Variants in DHTKD1 observed in about 807,000 individuals in gnomAD.
The protein encoded by DHTKD1 is 2-oxoadipate dehydrogenase complex component E1.
A neutral mutation model predicts 101.8 loss-of-function variants in DHTKD1; 78 were observed. The observed-to-expected ratio is 0.77, with a 90% CI of 0.64 to 0.93. The LOEUF (loss-of-function observed/expected upper bound fraction) is 0.93. Ranked by LOEUF, DHTKD1 falls within the 40% of genes least tolerant of loss-of-function variation. The pLI is 0.00. For missense variants in DHTKD1, 1,223 were observed against 1,161.7 expected (o/e 1.05, Z -0.77); for synonymous variants, 462 against 450.3 (o/e 1.03, Z -0.33).
At chr10:12,095,042 C>T (rs1198863062) in intron 7 of DHTKD1, among the ~76,000 whole-genome samples, 1 of 152,176 alleles carries the variant, frequency 6.6e-6, no homozygotes, top group African/African-American at 2.4e-5. Context: ...TTAAGCAAAC[C>T]TCGCCCAAAT....
chr10:12,093,552 G>A (rs1012071320), intron 6 of DHTKD1, among the ~76,000 whole-genome samples: 1 of 152,202 alleles, frequency 6.6e-6, no homozygotes, highest in Admixed American at 6.6e-5. Context: ...TTACAAGGCT[G>A]TTTGATGGTA....
intron 2 of DHTKD1, among the ~76,000 whole-genome samples, chr10:12,083,157 CA>C (rs59049794): frequency 1.2e-3 from 161 of 131,006 alleles, no homozygotes; most frequent in Middle Eastern, 4.0e-3. Context: ...GACTCCGTCT[CA>C]AAAAAAAAAA....
At chr10:12,075,557 TAG>T (rs1437422640) in intron 1 of DHTKD1, among the ~76,000 whole-genome samples, 2 of 119,248 alleles carry the variant, frequency 1.7e-5, no homozygotes, top group Non-Finnish European at 3.5e-5. Flanking sequence ...GTATTTTTTG[TAG>T]AGACAGGGTC....
chr10:12,083,051 A>C (rs1832847090), intron 2 of DHTKD1, among the ~76,000 whole-genome samples: 1 of 151,824 alleles, frequency 6.6e-6, no homozygotes, highest in Non-Finnish European at 1.5e-5. Flanking sequence ...TGAGGCAAAA[A>C]AAAGGAGCAT....
At chr10:12,106,775 G>A (rs1400095072) in intron 11 of DHTKD1, among the ~76,000 whole-genome samples, 2 of 152,112 alleles carry the variant, frequency 1.3e-5, no homozygotes, top group African/African-American at 4.8e-5. Context: ...CATTTTCCAG[G>A]GATGCCCACT....
rs76133682 is a variant in DHTKD1 at position 12,077,477 on chromosome 10, T to G, written c.155-3995T>G. Among the ~76,000 whole-genome samples the G allele has an allele frequency of 1.8e-3, 281 of 152,300 alleles. 4 individuals are homozygous for G. The East Asian group carries it at 0.043, about 23-fold the overall frequency. Reference sequence around the variant, plus strand: ...CCTGACCTCAGGTGATGAGGTCACCTTGGCCCGCCTTGGCCTCCCAAAGTG... The same window carrying G: ...CCTGACCTCAGGTGATGAGGTCACCGTGGCCCGCCTTGGCCTCCCAAAGTG... On this transcript the variant is annotated intron_variant, in intron 1 of 16. Coordinates refer to ENST00000263035, the MANE Select transcript of DHTKD1 (RefSeq NM_018706.7).
At chr10:12,105,386 G>A (rs1173003282) in intron 10 of DHTKD1, among the ~76,000 whole-genome samples, 2 of 152,002 alleles carry the variant, frequency 1.3e-5, no homozygotes, top group African/African-American at 2.4e-5. Flanking sequence ...TGCGATTATA[G>A]CTCACTGTAG....
rs200951603 is a variant in DHTKD1 at position 12,088,962 on chromosome 10, T to A, written c.718-24T>A. 1,482 of 1,595,926 alleles carry A rather than the reference T, an allele frequency of 9.3e-4. 9 individuals are homozygous for A. The highest frequency in any genetic ancestry group is 4.2e-3 in the African/African-American group (316 of 74,582). On this transcript the variant is annotated intron_variant, in intron 4 of 16. Transcript: ENST00000263035. ...TCCATTGTGATGAATGCCATTTTTT[T>A]CCTTTTGAATGTATCCACAATAGCT...
chr10:12,096,484 C>G (rs955871007), intron 7 of DHTKD1, among the ~76,000 whole-genome samples: 1 of 152,112 alleles, frequency 6.6e-6, no homozygotes. Context: ...TTCCTGGGCT[C>G]AAGCGATCCT....
At chr10:12,074,062 T>C (rs752595676) in intron 1 of DHTKD1, among the ~76,000 whole-genome samples, 7 of 152,240 alleles carry the variant, frequency 4.6e-5, no homozygotes, top group Non-Finnish European at 1.0e-4. Context: ...TGTGACCTTT[T>C]GCAGATATTA....
chr10:12,103,492 TGTG>T lies in DHTKD1; in HGVS notation c.1896+2312_1896+2314del, dbSNP rs1324213752. ...CCCAACTTCGTTGTACATCTCAATC[TGTG>T]TGTGTGTGTGTGTGTGTGTGTGTGT... On this transcript the variant is annotated intron_variant, in intron 10 of 16. Coordinates refer to ENST00000263035, the MANE Select transcript of DHTKD1 (RefSeq NM_018706.7). The surrounding 1 kb of genome is among the most constrained non-coding windows in gnomAD (Gnocchi z 4.8). 2.1e-3 allele frequency among the ~76,000 whole-genome samples: 2 copies of T among 970 alleles called. No individual in the cohort carries two copies. The highest frequency in any genetic ancestry group is 2.3e-3 in the African/African-American group (2 of 880). 0.6% of individuals were successfully genotyped at this position (970 alleles called of 152,430 possible).
At chr10:12,101,294 G>C in intron 10 of DHTKD1, 113 bp downstream of exon 10, 1 of 1,191,376 alleles carries the variant, frequency 8.4e-7, no homozygotes, top group Non-Finnish European at 1.2e-6. Context: ...ACTTTTGGAA[G>C]TAAAGGAGTG....
intron 7 of DHTKD1, among the ~76,000 whole-genome samples, chr10:12,095,061 T>C (rs998907171): frequency 1.3e-5 from 2 of 152,214 alleles, no homozygotes; most frequent in Admixed American, 6.5e-5. Context: ...ATCTATTTAC[T>C]GCAGTGTCGG....
Position 12,084,763 on chromosome 10 carries a change from C to T in DHTKD1, c.522+12C>T. On this transcript the variant is annotated intron_variant, in intron 3 of 16. Coordinates refer to ENST00000263035, the MANE Select transcript of DHTKD1 (RefSeq NM_018706.7). ...TGCTGGAATCTCAGGTAAAAAGGAG[C>T]ATCTAGGCCGGGCACGGTGGCTCAT... 7 of 1,612,630 alleles carry T rather than the reference C, an allele frequency of 4.3e-6. No individual in the cohort carries two copies. The highest frequency in any genetic ancestry group is 5.9e-6 in the Non-Finnish European group (7 of 1,179,186).
In DHTKD1 at chr10:12,069,146, C is replaced by T. The variant is rs747745404; in HGVS notation, c.113C>T (p.Pro38Leu). ...RGVYGYRPRK[P>L]ESREPQGALE... ...GTTTACGGCTACCGGCCGAGGAAGC[C>T]CGAGAGCCGCGAGCCCCAGGGCGCC... is the stretch of plus-strand genomic sequence containing the variant. Residue 38 changes from proline (P) to leucine (L), a missense_variant, in exon 1 of 17, where the codon CCC becomes CTC. Coordinates refer to ENST00000263035, the MANE Select transcript of DHTKD1 (RefSeq NM_018706.7). 2 of 1,575,834 alleles carry T rather than the reference C, an allele frequency of 1.3e-6. No homozygotes were observed. Among genetic ancestry groups the T allele is most frequent in the Non-Finnish European group, 1.7e-6 (2 of 1,162,952 alleles).
intron 1 of DHTKD1, among the ~76,000 whole-genome samples, chr10:12,078,681 TTC>T (rs1215447639): frequency 6.6e-6 from 1 of 152,204 alleles, no homozygotes; most frequent in Non-Finnish European, 1.5e-5. Context: ...AGGGGATGTT[TTC>T]TTTTTTCTTT....
At chr10:12,114,980 G>A (rs577564127) in intron 13 of DHTKD1, among the ~76,000 whole-genome samples, 4 of 152,124 alleles carry the variant, frequency 2.6e-5, no homozygotes, top group Admixed American at 6.5e-5. Context: ...TATTTTTAGT[G>A]GAGACAGGGT....
intron 6 of DHTKD1, among the ~76,000 whole-genome samples, chr10:12,091,891 GC>G (rs1832996355): frequency 6.6e-6 from 1 of 151,640 alleles, no homozygotes; most frequent in African/African-American, 2.4e-5. Context: ...TGCAACTTCT[GC>G]CTCCCGAGTT....
intron 16 of DHTKD1, 167 bp downstream of exon 16, chr10:12,120,434 C>T (rs1013536139): frequency 1.2e-5 from 7 of 568,376 alleles, no homozygotes; most frequent in East Asian, 3.3e-5. Flanking sequence ...CCCGGGTTCA[C>T]GCCATTCTCC....
Sources: gnomAD v4.1 joint callset for allele counts (sites outside exome capture counted in the v4.1 genomes callset) on GRCh38, gnomAD v4.1.1 for gene constraint, Gnocchi (gnomAD v3.1) non-coding constraint, MANE v1.5 for transcripts, NCBI Gene and HGNC (gene_info 2026-07-23, HGNC 2026-07-21) for gene names.